DNAH9: variants seen among roughly 807,000 people sequenced by gnomAD.
DNAH9 encodes the protein dynein axonemal heavy chain 9.
Under a neutral mutation model 471.6 loss-of-function variants are expected in DNAH9, and 345 were observed. That is an observed-to-expected ratio of 0.73 (90% confidence interval 0.67 to 0.80). The LOEUF (loss-of-function observed/expected upper bound fraction) is 0.80, where lower values mean the gene tolerates loss of function less well. Ranked by LOEUF, DNAH9 falls within the 30% of genes least tolerant of loss-of-function variation. The probability of loss-of-function intolerance (pLI) is 0.00; values close to 1 mark genes in which losing one functional copy is unlikely to be tolerated. For synonymous variants in DNAH9, 2,093 were observed against 2,123.6 expected, an observed-to-expected ratio of 0.99 and a Z score of 0.40; for missense variants, 5,407 against 5,609.2, an observed-to-expected ratio of 0.96 and a Z score of 1.15.
intron 67 of DNAH9, among the ~76,000 whole-genome samples, chr17:11,955,534 C>T (rs913240782): frequency 6.6e-6 from 1 of 152,164 alleles, no homozygotes; most frequent in Non-Finnish European, 1.5e-5. Flanking sequence ...GGAATCCTGT[C>T]TCCAGACCAC....
chr17:11,920,784 T>C (rs1449847621), intron 61 of DNAH9, among the ~76,000 whole-genome samples: 1 of 152,058 alleles, frequency 6.6e-6, no homozygotes, highest in Non-Finnish European at 1.5e-5. Flanking sequence ...GAAAAGTTGG[T>C]AGAAGGCAGA....
chr17:11,740,560 A>G (rs1044286554), intron 29 of DNAH9, among the ~76,000 whole-genome samples: 3 of 152,172 alleles, frequency 2.0e-5, no homozygotes, highest in Admixed American at 6.5e-5. Context: ...ATCACATTGC[A>G]TTTTGGGGGC....
chr17:11,951,078 C>A (rs1210523618), intron 67 of DNAH9, among the ~76,000 whole-genome samples: 1 of 152,116 alleles, frequency 6.6e-6, no homozygotes, highest in Non-Finnish European at 1.5e-5. Flanking sequence ...CATAGATGCA[C>A]CCAAATTTCA....
intron 1 of DNAH9, among the ~76,000 whole-genome samples, chr17:11,599,506 C>T (rs571608555): frequency 6.6e-6 from 1 of 152,198 alleles, no homozygotes; most frequent in South Asian, 2.1e-4. Flanking sequence ...AAAGGTCAGC[C>T]CTGTGCCAGC....
At position 11,762,785 on chromosome 17, in the gene DNAH9, T is replaced by TTG. The variant is rs1567783452; in HGVS notation, c.6996-654_6996-653insGT. 2.6e-4 allele frequency among the ~76,000 whole-genome samples: 35 copies of TTG among 135,608 alleles called. 1 individual carries two copies. The highest frequency in any genetic ancestry group is 7.7e-4 in the African/African-American group (29 of 37,856). The allele number at this position is 135,608 out of a possible 152,430, so 89.0% of individuals were successfully genotyped here. ...TTTTTTTTTTGTTTTTTTTTTTTTTTTTTTTTTTTTTTGAGATGGAGTCTC... is the reference window on the plus strand; with the variant it reads ...TTTTTTTTTTGTTTTTTTTTTTTTTTTGTTTTTTTTTTTTGAGATGGAGTCTC... On this transcript the variant is annotated intron_variant, in intron 35 of 68. Transcript: ENST00000262442.
chr17:11,921,176 G>GATTCA (rs374918013), intron 61 of DNAH9, among the ~76,000 whole-genome samples: 28 of 151,936 alleles, frequency 1.8e-4, no homozygotes, highest in African/African-American at 6.8e-4. Flanking sequence ...CTGGGAGGTG[G>GATTCA]AGGTTGCAGT....
intron 50 of DNAH9, among the ~76,000 whole-genome samples, chr17:11,861,714 A>G (rs1223796733): frequency 1.3e-5 from 2 of 152,136 alleles, no homozygotes; most frequent in Non-Finnish European, 2.9e-5. Flanking sequence ...AATGATTGCC[A>G]TTCTAACTGG....
Position 11,610,501 on chromosome 17 carries a change from C to G in DNAH9, c.720C>G (p.Leu240=), listed in dbSNP as rs1476064805. The G allele has an allele frequency of 1.2e-6, 2 of 1,613,364 alleles. No homozygotes were observed. The highest frequency in any genetic ancestry group is 2.2e-5 in the East Asian group (1 of 44,892). ...TCAAGAGAGAGTCTTCCCAGCCACT[C>G]TTACAAGGGGAGAATCCCACCCCTA... ...VVLKRESSQP[L]LQGENPTPKV... is the part of the protein sequence containing the mutation. The change falls in exon 3 of 69, where the codon CTC becomes CTG. Residue 240 remains leucine, a synonymous_variant. Transcript: ENST00000262442.
intron 38 of DNAH9, among the ~76,000 whole-genome samples, chr17:11,778,358 A>AAAAAG (rs1567795857): frequency 7.2e-6 from 1 of 138,044 alleles, no homozygotes; most frequent in Non-Finnish European, 1.6e-5. Context: ...AAAAAAAAAA[A>AAAAAG]AAAAGAAAAG....
chr17:11,733,292 A>G (rs954437456), intron 28 of DNAH9, among the ~76,000 whole-genome samples: 5 of 152,242 alleles, frequency 3.3e-5, no homozygotes, highest in African/African-American at 1.2e-4. Context: ...CCAGTAGCAT[A>G]GGGCTAGCCC....
At chr17:11,814,822 G>A (rs1246205841) in intron 45 of DNAH9, among the ~76,000 whole-genome samples, 1 of 152,148 alleles carries the variant, frequency 6.6e-6, no homozygotes, top group East Asian at 1.9e-4. Flanking sequence ...CACATCCTAT[G>A]AGAATGCAGA....
intron 12 of DNAH9, among the ~76,000 whole-genome samples, chr17:11,649,058 C>A (rs1458142209): frequency 2.0e-5 from 3 of 151,070 alleles, no homozygotes; most frequent in Non-Finnish European, 2.9e-5. Flanking sequence ...ACCTAGGAGG[C>A]AGTGGTTGCA....
At chr17:11,665,901 G>A (rs749598690) in intron 15 of DNAH9, among the ~76,000 whole-genome samples, 19 of 152,192 alleles carry the variant, frequency 1.2e-4, no homozygotes, top group African/African-American at 2.4e-4. Flanking sequence ...AGACACCTAC[G>A]TTGAGAATCC....
At chr17:11,707,659 C>T (rs929104312) in intron 26 of DNAH9, among the ~76,000 whole-genome samples, 2 of 152,126 alleles carry the variant, frequency 1.3e-5, no homozygotes, top group Non-Finnish European at 2.9e-5. Context: ...GAGGGCACAT[C>T]ACTGTCTCCA....
At chr17:11,605,917 A>G (rs2072494828) in intron 1 of DNAH9, among the ~76,000 whole-genome samples, 2 of 152,162 alleles carry the variant, frequency 1.3e-5, no homozygotes, top group South Asian at 4.1e-4. Flanking sequence ...ACATTCAGTT[A>G]TTTGATAAAC....
intron 42 of DNAH9, among the ~76,000 whole-genome samples, chr17:11,794,036 ATTTTTTT>A (rs35741238): frequency 2.5e-5 from 2 of 80,898 alleles, no homozygotes; most frequent in Admixed American, 1.5e-4. Flanking sequence ...ATTTTGAGCA[ATTTTTTT>A]TTTTTTTTTT....
At position 11,598,684 on chromosome 17, in the gene DNAH9, C is replaced by G. The variant is rs1402826675; in HGVS notation, c.186C>G (p.Arg62=). The change falls in exon 1 of 69, where the codon CGC becomes CGG. Residue 62 remains arginine (R), a synonymous_variant. Transcript: ENST00000262442. ...AGCTGCTCCAGGCCTTCCTGGGCCG[C>G]GATGCTGCCGAGGGGCCGCGGCCGC... ...AEQLLQAFLG[R]DAAEGPRPLL... 7.3e-7 allele frequency: 1 copy of G among 1,365,302 alleles called. No individual in the cohort carries two copies. The allele number at this position is 1,365,302 out of a possible 1,614,324, so 84.6% of individuals were successfully genotyped here.
chr17:11,820,802 G>A (rs1027712668), intron 45 of DNAH9, among the ~76,000 whole-genome samples: 1 of 151,776 alleles, frequency 6.6e-6, no homozygotes, highest in Non-Finnish European at 1.5e-5. Context: ...TTATTTTTAT[G>A]CAGTCAAATT....
intron 37 of DNAH9, 59 bp from the exon 38 acceptor site, chr17:11,769,063 G>C (rs1452826367): frequency 6.4e-7 from 1 of 1,571,078 alleles, no homozygotes; most frequent in African/African-American, 1.3e-5. Context: ...GAACGCCGCT[G>C]GTGCATCTGT....
Sources: allele counts gnomAD v4.1 joint callset (sites outside exome capture counted in the v4.1 genomes callset), GRCh38; gene constraint gnomAD v4.1.1; transcripts MANE v1.5; gene names NCBI Gene and HGNC (gene_info 2026-07-23, HGNC 2026-07-21).